The following ADGRL2 variants were observed in gnomAD, a reference collection of about 807,000 sequenced individuals.
ADGRL2 encodes calcium-independent alpha-latrotoxin receptor 2.
In ADGRL2, 44 loss-of-function variants were observed where a neutral mutation model predicts 157.4. The ratio of observed to expected loss-of-function variants is 0.28; its 90% CI spans 0.22 to 0.36. The LOEUF (loss-of-function observed/expected upper bound fraction) is 0.36. Among genes scored for constraint, ADGRL2 ranks in the 10% least tolerant of loss-of-function variants. The probability of loss-of-function intolerance (pLI) is 1.00; values close to 1 mark genes in which losing one functional copy is unlikely to be tolerated. For synonymous variants in ADGRL2, 585 were observed against 624.7 expected (o/e 0.94, Z 0.95); for missense variants, 1,510 against 1,768.9 (o/e 0.85, Z 2.63).
In ADGRL2 at chr1:81,609,868, A is replaced by T. The variant is rs1266664329; in HGVS notation, c.-143+28888A>T. Among the ~76,000 whole-genome samples, 3 of 152,188 alleles carry T rather than the reference A, an allele frequency of 2.0e-5. 1 individual carries two copies. The highest frequency in any genetic ancestry group is 2.9e-5 in the Non-Finnish European group (2 of 68,042). On this transcript the variant is annotated intron_variant, in intron 3 of 24. Transcript: ENST00000370721. ...GAGATATAACCAAAATATTTTTGAC[A>T]CTTCCACCTTGAATTTTTCTAGCAG...
intron 2 of ADGRL2, among the ~76,000 whole-genome samples, chr1:81,869,010 G>A (rs1335433282): frequency 6.6e-6 from 1 of 152,122 alleles, no homozygotes; most frequent in Non-Finnish European, 1.5e-5. Context: ...TCAATATGTG[G>A]ATTATCTTGC....
chr1:81,490,862 A>G (rs941078171), intron 2 of ADGRL2, among the ~76,000 whole-genome samples: 2 of 152,238 alleles, frequency 1.3e-5, no homozygotes, highest in Non-Finnish European at 2.9e-5. Flanking sequence ...TTTATTCATC[A>G]TAACCCCAAA....
intron 3 of ADGRL2, chr1:81,596,525 T>TG (rs199766626): frequency 0.015 from 5,793 of 376,392 alleles, 77 homozygotes; most frequent in Middle Eastern, 0.037. Flanking sequence ...CGCGGCTCCC[T>TG]GACCGACTTG....
At chr1:81,636,949 C>A (rs1452071655) in intron 3 of ADGRL2, among the ~76,000 whole-genome samples, 6 of 152,178 alleles carry the variant, frequency 3.9e-5, no homozygotes, top group Non-Finnish European at 8.8e-5. Context: ...AATTCTCCTG[C>A]CTCAACCTCC....
intron 2 of ADGRL2, among the ~76,000 whole-genome samples, chr1:81,445,487 C>A (rs1231436796): frequency 6.6e-6 from 1 of 152,096 alleles, no homozygotes; most frequent in Non-Finnish European, 1.5e-5. Context: ...CGGATGCATT[C>A]CTTTGTAGAA....
intron 23 of ADGRL2, chr1:81,989,804 T>C (rs1664210161): frequency 2.0e-6 from 3 of 1,512,294 alleles, no homozygotes; most frequent in African/African-American, 2.8e-5. Flanking sequence ...TTGTTTAACA[T>C]GACTTCTTTG....
Position 81,950,458 on chromosome 1 carries a change from C to T in ADGRL2, c.1480C>T (p.Arg494Ter). Residue 494 changes from arginine (R) to a stop codon, truncating the protein, a stop_gained, in exon 7 of 24, where the codon CGA becomes TGA. Transcript: ENST00000686636. LOFTEE classifies it high-confidence loss of function. Reference protein sequence around the residue: ...PQTQRGMMVERPCPKGTRGTA... With the variant: ...PQTQRGMMVE Reference sequence around the variant, plus strand: ...GACACAAAGGGGAATGATGGTTGAACGACCATGCCCTAAGGGAACAAGAGG... The same window carrying T: ...GACACAAAGGGGAATGATGGTTGAATGACCATGCCCTAAGGGAACAAGAGG... 1.9e-6 allele frequency: 3 copies of T among 1,613,750 alleles called. No individual in the cohort carries two copies. The highest frequency in any genetic ancestry group is 2.5e-6 in the Non-Finnish European group (3 of 1,179,780).
chr1:81,916,244 C>T (rs538122222), intron 3 of ADGRL2, among the ~76,000 whole-genome samples: 2 of 152,128 alleles, frequency 1.3e-5, no homozygotes, highest in Admixed American at 1.3e-4. Context: ...TTCAGATACC[C>T]ATTCAAGGAC....
Position 81,957,182 on chromosome 1 carries a change from A to AT in ADGRL2, c.2017+1124dup, listed in dbSNP as rs1027687036. Among the ~76,000 whole-genome samples, 14 of 88,414 alleles carry AT rather than the reference A, an allele frequency of 1.6e-4. No homozygotes were observed. The South Asian group carries it at 4.1e-3, about 26-fold the overall frequency. 58.0% of individuals were successfully genotyped at this position (88,414 alleles called of 152,430 possible). On this transcript the variant is annotated intron_variant, in intron 11 of 23. Transcript: ENST00000686636. ...TTGTTTTCTAAATATTCTGAAAATT[A>AT]TTAAAAAAAAAAAACCACTAAAATT...
At chr1:81,673,863 T>C (rs2082929366) in intron 3 of ADGRL2, among the ~76,000 whole-genome samples, 1 of 152,170 alleles carries the variant, frequency 6.6e-6, no homozygotes, top group African/African-American at 2.4e-5. Context: ...AACCAGTATG[T>C]TCTAATAATG....
chr1:81,950,486 T>C lies in ADGRL2; in HGVS notation c.1504+4T>C. On this transcript the variant is annotated splice_donor_region_variant and intron_variant, in intron 7 of 23. Transcript: ENST00000686636. The stretch of plus-strand genomic sequence containing the variant: ...CCATGCCCTAAGGGAACAAGAGGTA[T>C]TTTCTATAAACTACCATGCATACAT... 6.2e-7 allele frequency: 1 copy of C among 1,609,276 alleles called. No individual in the cohort carries two copies.
intron 1 of ADGRL2, among the ~76,000 whole-genome samples, chr1:81,409,520 C>A (rs2076913933): frequency 6.6e-6 from 1 of 152,208 alleles, no homozygotes; most frequent in Non-Finnish European, 1.5e-5. Context: ...AAATGAATAA[C>A]AAGCTTGGAG....
intron 3 of ADGRL2, among the ~76,000 whole-genome samples, chr1:81,615,636 C>T (rs2148686536): frequency 6.6e-6 from 1 of 152,304 alleles, no homozygotes; most frequent in East Asian, 1.9e-4. Context: ...GACCAAGAAC[C>T]CACCAATTCC....
intron 3 of ADGRL2, among the ~76,000 whole-genome samples, chr1:81,586,673 T>C (rs2081033041): frequency 6.6e-6 from 1 of 152,078 alleles, no homozygotes; most frequent in Non-Finnish European, 1.5e-5. Flanking sequence ...TATGTAAGTC[T>C]AGATGAGGCA....
At chr1:81,762,039 C>T (rs1430462602) in intron 2 of ADGRL2, among the ~76,000 whole-genome samples, 1 of 152,020 alleles carries the variant, frequency 6.6e-6, no homozygotes, top group African/African-American at 2.4e-5. Flanking sequence ...AAATGTTCAC[C>T]AAATATACTA....
At chr1:81,958,927 G>A (rs1282306537) in intron 11 of ADGRL2, among the ~76,000 whole-genome samples, 1 of 152,148 alleles carries the variant, frequency 6.6e-6, no homozygotes, top group Non-Finnish European at 1.5e-5. Context: ...TTTATGCAGA[G>A]GAATATTTTT....
intron 2 of ADGRL2, among the ~76,000 whole-genome samples, chr1:81,865,025 G>A (rs1322992417): frequency 2.6e-5 from 4 of 151,894 alleles, no homozygotes; most frequent in Non-Finnish European, 5.9e-5. Flanking sequence ...AAAACCTTAC[G>A]GCTTCCAGTA....
intron 2 of ADGRL2, chr1:81,502,766 G>A: frequency 6.2e-7 from 1 of 1,613,362 alleles, no homozygotes. Context: ...AGGGAGAGCC[G>A]GCGGCCCAGC....
chr1:81,419,496 T>A (rs935531357), intron 1 of ADGRL2, among the ~76,000 whole-genome samples: 1 of 152,194 alleles, frequency 6.6e-6, no homozygotes, highest in Admixed American at 6.5e-5. Context: ...GCATGAGCCA[T>A]TGCACCTGGC....
Sources: gnomAD v4.1 joint callset for allele counts (sites outside exome capture counted in the v4.1 genomes callset) on GRCh38, gnomAD v4.1.1 for gene constraint, MANE v1.5 for transcripts, NCBI Gene and HGNC (gene_info 2026-07-23, HGNC 2026-07-21) for gene names.